ATL2: variants seen among roughly 807,000 people sequenced by gnomAD.
ATL2 encodes the protein atlastin-2.
Under a neutral mutation model 73.9 loss-of-function variants are expected in ATL2, and 31 were observed. That is an observed-to-expected ratio of 0.42 (90% confidence interval 0.32 to 0.57). The LOEUF is 0.57. Among genes scored for constraint, ATL2 ranks in the 20% least tolerant of loss-of-function variants. The pLI is 0.14. For missense variants in ATL2, 738 were observed against 702.6 expected (o/e 1.05, Z -0.57); for synonymous variants, 291 against 237.5 (o/e 1.23, Z -2.07).
rs756527515 is a variant in ATL2, at chr2:38,319,024, T to A, written c.364-5A>T. 5.6e-6 allele frequency: 9 copies of A among 1,609,972 alleles called. No homozygotes were observed. The highest frequency in any genetic ancestry group is 1.7e-5 in the Admixed American group (1 of 59,114). On this transcript the variant is annotated splice_polypyrimidine_tract_variant and splice_region_variant and intron_variant, in intron 2 of 12. Transcript: ENST00000378954. ...ACCAATCCAACTTTGAGAATCCTGTTAAAGTCAAGGATAAATGTAAAATAC... is the reference window on the plus strand; with the variant it reads ...ACCAATCCAACTTTGAGAATCCTGTAAAAGTCAAGGATAAATGTAAAATAC...
rs544659849 is a variant in ATL2 at position 38,371,771 on chromosome 2, G to T, written c.118+5372C>A. On this transcript the variant is annotated intron_variant, in intron 1 of 12. Coordinates refer to ENST00000378954, the MANE Select transcript of ATL2 (RefSeq NM_001135673.4). ...AAATTAGCTGGACGTGGTGGCACGC[G>T]TCTGTAGTCCCAGATACTCAGGGGC... Among the ~76,000 whole-genome samples, 19 of 152,080 alleles carry T rather than the reference G, an allele frequency of 1.2e-4. 1 individual carries two copies. In the South Asian group the frequency reaches 3.7e-3, roughly 30 times the overall value.
At chr2:38,319,128 C>CCA (rs1553333006) in intron 2 of ATL2, 109 bp from the exon 3 acceptor site, 2 of 1,151,070 alleles carry the variant, frequency 1.7e-6, no homozygotes, top group African/African-American at 3.1e-5. Flanking sequence ...CCCGGAAAGA[C>CCA]AAAAAAAACA....
rs372495302 is a variant in ATL2, at chr2:38,311,400, C to T, written c.805-953G>A. Among the ~76,000 whole-genome samples the T allele has an allele frequency of 4.1e-4, 63 of 152,266 alleles. 3 individuals are homozygous for T. The South Asian group carries it at 7.1e-3, about 17-fold the overall frequency. On this transcript the variant is annotated intron_variant, in intron 7 of 12. Transcript: ENST00000378954. ...CTCACACAGTCTCCTAAACACTCTT[C>T]TGGAAAACAATTTTAACAAAATATG...
chr2:38,321,458 C>T (rs1668316857), intron 2 of ATL2, among the ~76,000 whole-genome samples: 1 of 152,120 alleles, frequency 6.6e-6, no homozygotes, highest in South Asian at 2.1e-4. Flanking sequence ...GCACCCTTCA[C>T]AGGAATCAGA....
intron 1 of ATL2, among the ~76,000 whole-genome samples, chr2:38,356,926 T>A (rs1482671941): frequency 6.6e-6 from 1 of 152,218 alleles, no homozygotes; most frequent in African/African-American, 2.4e-5. Context: ...CTAAATCAGA[T>A]GTTTAAACAG....
chr2:38,376,761 G>A (rs543674612), intron 1 of ATL2, among the ~76,000 whole-genome samples: 34 of 151,590 alleles, frequency 2.2e-4, no homozygotes, highest in African/African-American at 8.3e-4. Context: ...GAGCTCGCCG[G>A]ACGGAGCGGA....
rs1176738912 is a variant in ATL2 at position 38,294,502 on chromosome 2, C to T, written c.*1492G>A. The stretch of plus-strand genomic sequence containing the variant: ...GGTGGAGGTTGCAGTGAGCCAAGAT[C>T]GCACCACTGCACTCCAGCCTGGGTG... On this transcript the variant is annotated 3_prime_UTR_variant, in exon 13 of 13. Transcript: ENST00000378954. 6.6e-6 allele frequency among the ~76,000 whole-genome samples: 1 copy of T among 152,066 alleles called. No homozygotes were observed. Among genetic ancestry groups the T allele is most frequent in the African/African-American group, 2.4e-5 (1 of 41,408 alleles).
intron 1 of ATL2, among the ~76,000 whole-genome samples, chr2:38,372,345 A>G (rs1182546657): frequency 6.6e-6 from 1 of 152,202 alleles, no homozygotes; most frequent in Non-Finnish European, 1.5e-5. Flanking sequence ...AGCATACAGT[A>G]TAACAATGAT....
intron 1 of ATL2, among the ~76,000 whole-genome samples, chr2:38,373,737 T>C (rs966618033): frequency 5.9e-5 from 9 of 152,214 alleles, no homozygotes; most frequent in Non-Finnish European, 1.3e-4. Flanking sequence ...GTAAAAGTTA[T>C]TTTGGCTTTG....
intron 1 of ATL2, among the ~76,000 whole-genome samples, chr2:38,350,924 A>G (rs1388303963): frequency 6.6e-6 from 1 of 152,214 alleles, no homozygotes; most frequent in Non-Finnish European, 1.5e-5. Context: ...TTTCAAGCTT[A>G]ATTATAAACT....
intron 9 of ATL2, among the ~76,000 whole-genome samples, chr2:38,306,601 C>G (rs551198845): frequency 1.3e-5 from 2 of 152,292 alleles, no homozygotes; most frequent in Admixed American, 1.3e-4. Flanking sequence ...ATCAATCAGT[C>G]AGTCAATGAG....
upstream of ATL2, among the ~76,000 whole-genome samples, chr2:38,378,318 G>T (rs1672092067): frequency 6.6e-6 from 1 of 152,174 alleles, no homozygotes; most frequent in South Asian, 2.1e-4. Flanking sequence ...GTAGGGCATG[G>T]TGGCTCACGC....
In ATL2 at chr2:38,295,511, T is replaced by C. The variant is rs1666844665; in HGVS notation, c.*483A>G. ...TCTGATACATGCATTGATGTAATAC[T>C]GGTATTGAAGGCAGTAAAGCAATAT... On this transcript the variant is annotated 3_prime_UTR_variant, in exon 13 of 13. Transcript: ENST00000378954. 1 of 152,432 alleles carries C rather than the reference T, an allele frequency of 6.6e-6. No individual in the cohort carries two copies. The highest frequency in any genetic ancestry group is 2.4e-5 in the African/African-American group (1 of 41,466). The allele number at this position is 152,432 out of a possible 1,614,324, so 9.4% of individuals were successfully genotyped here. A position where few individuals can be genotyped will look rare whatever the true frequency, so the allele number is the denominator to read the frequency against.
At chr2:38,344,113 T>C (rs10198323) in intron 1 of ATL2, among the ~76,000 whole-genome samples, 44,323 of 151,964 alleles carry the variant, frequency 0.29, 6,503 homozygotes, top group South Asian at 0.37. Flanking sequence ...AATGAAGTCT[T>C]AACTTCATTG....
intron 1 of ATL2, among the ~76,000 whole-genome samples, chr2:38,360,448 A>G (rs1229902913): frequency 1.3e-5 from 2 of 151,906 alleles, no homozygotes; most frequent in African/African-American, 4.8e-5. Flanking sequence ...ACCACAGTCA[A>G]CTAATTTAGT....
intron 2 of ATL2, among the ~76,000 whole-genome samples, chr2:38,336,115 G>A (rs1573515387): frequency 1.3e-5 from 2 of 152,312 alleles, no homozygotes; most frequent in Admixed American, 6.5e-5. Context: ...TCAGTCTTGA[G>A]AAAGAACATA....
At chr2:38,319,874 G>A (rs747823007) in intron 2 of ATL2, among the ~76,000 whole-genome samples, 11 of 152,046 alleles carry the variant, frequency 7.2e-5, no homozygotes, top group Admixed American at 1.3e-4. Flanking sequence ...TTGGGAGGAC[G>A]AGGCAGGTGG....
rs17022635 is a variant in ATL2, at chr2:38,372,560, T to G, written c.118+4583A>C. 1.8e-4 allele frequency among the ~76,000 whole-genome samples: 27 copies of G among 152,112 alleles called. 3 individuals are homozygous for G. The highest frequency in any genetic ancestry group is 9.2e-4 in the Admixed American group (14 of 15,264). ...CATAACCTTAAACTATGAAATTAAC[T>G]CATATGAAATCCTGCAATTGAAATA... On this transcript the variant is annotated intron_variant, in intron 1 of 12. Transcript: ENST00000378954.
At chr2:38,376,988 C>G (rs1244268336) in intron 1 of ATL2, among the ~76,000 whole-genome samples, 155 bp downstream of exon 1, 2 of 151,346 alleles carry the variant, frequency 1.3e-5, no homozygotes, top group African/African-American at 2.4e-5. Context: ...CGGGGCGCGG[C>G]TGAGGCTAGG....
Sources: gnomAD v4.1 joint callset for allele counts (sites outside exome capture counted in the v4.1 genomes callset) on GRCh38, gnomAD v4.1.1 for gene constraint, MANE v1.5 for transcripts, NCBI Gene and HGNC (gene_info 2026-07-23, HGNC 2026-07-21) for gene names.